The following GSDME variants were observed in gnomAD, a reference collection of about 807,000 sequenced individuals.
GSDME encodes the protein gasdermin E, also known as gasdermin-E.
A neutral mutation model predicts 47.5 loss-of-function variants in GSDME; 44 were observed. The ratio of observed to expected loss-of-function variants is 0.93; its 90% CI spans 0.73 to 1.19. The LOEUF (loss-of-function observed/expected upper bound fraction) is 1.19, where lower values mean the gene tolerates loss of function less well. Among genes scored for constraint, GSDME ranks in the 50% most tolerant of loss-of-function variants. The probability of loss-of-function intolerance (pLI) is 0.00; values close to 1 mark genes in which losing one functional copy is unlikely to be tolerated. For synonymous variants in GSDME, 258 were observed against 252.8 expected (o/e 1.02, Z -0.20); for missense variants, 663 against 604.2 (o/e 1.10, Z -1.02).
chr7:24,732,423 C>T lies in GSDME; in HGVS notation c.404+12139G>A, dbSNP rs1337977655. Among the ~76,000 whole-genome samples the T allele has an allele frequency of 6.6e-6, 1 of 152,160 alleles. No homozygotes were observed. Among genetic ancestry groups the T allele is most frequent in the Non-Finnish European group, 1.5e-5 (1 of 68,004 alleles). Reference sequence around the variant, plus strand: ...GTGATTGTTCTCCCCACAGGAACACCAAAGTCAACAACTATCTATATAAAA... The same window carrying T: ...GTGATTGTTCTCCCCACAGGAACACTAAAGTCAACAACTATCTATATAAAA... On this transcript the variant is annotated intron_variant, in intron 3 of 9. Coordinates refer to ENST00000645220, the MANE Select transcript of GSDME (RefSeq NM_001127453.2). The surrounding 1 kb of genome is among the most constrained non-coding windows in gnomAD (Gnocchi z 4.8).
intron 8 of GSDME, chr7:24,703,225 TCA>T: frequency 2.9e-6 from 1 of 339,080 alleles, no homozygotes; most frequent in Non-Finnish European, 5.8e-6. Flanking sequence ...TCTCTCAGCC[TCA>T]GTTTCCTCAT....
upstream of GSDME, among the ~76,000 whole-genome samples, chr7:24,758,960 A>T (rs1225458322): frequency 6.6e-6 from 1 of 152,148 alleles, no homozygotes; most frequent in Non-Finnish European, 1.5e-5. This position sits in a 1 kb window ranked among gnomAD's most constrained non-coding sequence, Gnocchi z 4.6. Flanking sequence ...TAAGAAATGA[A>T]TCCTTTTGTT....
rs1789886283 is a variant in GSDME at position 24,724,099 on chromosome 7, TGGCGGGGAGG to T, written c.405-4891_405-4882del. ...GTCGCCTCTTGGGTGGGGAACCAGA[TGGCGGGGAGG>T]GGCTTTTCACCTTTTCTCTTTTGAC... On this transcript the variant is annotated intron_variant, in intron 3 of 9. Coordinates refer to ENST00000645220, the MANE Select transcript of GSDME (RefSeq NM_001127453.2). The surrounding 1 kb of genome is among the most constrained non-coding windows in gnomAD (Gnocchi z 4.8). Among the ~76,000 whole-genome samples, 1 of 151,442 alleles carries T rather than the reference TGGCGGGGAGG, an allele frequency of 6.6e-6. No homozygotes were observed. The highest frequency in any genetic ancestry group is 2.4e-5 in the African/African-American group (1 of 41,152).
rs1439020975 is a variant in GSDME, at chr7:24,732,678, C to T, written c.404+11884G>A. ...TTTGCATGGAACTCAGTGCTGCCAA[C>T]ACCGGGCAGAACTCAGCCAGCGCCC... On this transcript the variant is annotated intron_variant, in intron 3 of 9. Coordinates refer to ENST00000645220, the MANE Select transcript of GSDME (RefSeq NM_001127453.2). This position sits in a 1 kb window ranked among gnomAD's most constrained non-coding sequence, Gnocchi z 4.8. Among the ~76,000 whole-genome samples the T allele has an allele frequency of 6.6e-6, 1 of 152,212 alleles. No individual in the cohort carries two copies. Among genetic ancestry groups the T allele is most frequent in the Non-Finnish European group, 1.5e-5 (1 of 68,040 alleles).
At chr7:24,763,572 A>G in the GSDME span, among the ~76,000 whole-genome samples, 2 of 152,228 alleles carry the variant, frequency 1.3e-5, no homozygotes, top group Non-Finnish European at 2.9e-5. The surrounding 1 kb of genome is among the most constrained non-coding windows in gnomAD (Gnocchi z 4.3). Flanking sequence ...TCATCATGCT[A>G]CTCAGAATAG....
intron 3 of GSDME, among the ~76,000 whole-genome samples, chr7:24,743,632 C>G (rs532512205): frequency 6.6e-6 from 1 of 152,318 alleles, no homozygotes; most frequent in Admixed American, 6.5e-5. Flanking sequence ...CTTGGCGCCC[C>G]ACCCCTTTCA....
intron 3 of GSDME, among the ~76,000 whole-genome samples, chr7:24,722,776 C>T (rs1014790699): frequency 1.3e-5 from 2 of 152,234 alleles, no homozygotes; most frequent in African/African-American, 4.8e-5. Flanking sequence ...CCAGAACCCC[C>T]ACCTCAAACA....
At chr7:24,700,099 G>T (rs1409981951) in intron 9 of GSDME, among the ~76,000 whole-genome samples, 1 of 151,456 alleles carries the variant, frequency 6.6e-6, no homozygotes, top group African/African-American at 2.4e-5. Context: ...CCAGAACTCA[G>T]CCTTATGTTA....
At chr7:24,750,599 C>T (rs372726789) in intron 1 of GSDME, among the ~76,000 whole-genome samples, 30 of 152,182 alleles carry the variant, frequency 2.0e-4, no homozygotes, top group African/African-American at 7.2e-4. Flanking sequence ...GGTGACAGTG[C>T]AAGATTTTGT....
intron 3 of GSDME, among the ~76,000 whole-genome samples, chr7:24,729,500 G>A (rs1463809005): frequency 1.3e-5 from 2 of 152,208 alleles, no homozygotes; most frequent in Non-Finnish European, 2.9e-5. Context: ...TTGACCCTAC[G>A]GCGTGGTTAG....
the GSDME span, among the ~76,000 whole-genome samples, chr7:24,784,013 C>T: frequency 2.0e-5 from 3 of 152,166 alleles, no homozygotes; most frequent in South Asian, 2.1e-4. Context: ...CACTGGCAGG[C>T]GTTCTCTGTG....
At chr7:24,790,034 A>G in the GSDME span, among the ~76,000 whole-genome samples, 1 of 152,198 alleles carries the variant, frequency 6.6e-6, no homozygotes, top group Non-Finnish European at 1.5e-5. This position sits in a 1 kb window ranked among gnomAD's most constrained non-coding sequence, Gnocchi z 4.1. Context: ...AATCAAATCC[A>G]TGCCATACTT....
rs199834410 is a variant in GSDME, at chr7:24,749,528, C to T, written c.211+36G>A. 45 of 1,491,482 alleles carry T rather than the reference C, an allele frequency of 3.0e-5. 1 individual carries two copies. The highest frequency in any genetic ancestry group is 2.2e-4 in the South Asian group (19 of 86,852). The allele number at this position is 1,491,482 out of a possible 1,614,324, so 92.4% of individuals were successfully genotyped here. ...AAAAAAAAAAAAGGATCATCCTTTCCGAGACTAATTATAGAATATACCCAA... is the reference window on the plus strand; with the variant it reads ...AAAAAAAAAAAAGGATCATCCTTTCTGAGACTAATTATAGAATATACCCAA... On this transcript the variant is annotated intron_variant, in intron 2 of 9. Coordinates refer to ENST00000645220, the MANE Select transcript of GSDME (RefSeq NM_001127453.2).
upstream of GSDME, among the ~76,000 whole-genome samples, chr7:24,760,269 G>A (rs1339326989): frequency 1.3e-5 from 2 of 152,130 alleles, no homozygotes; most frequent in Non-Finnish European, 2.9e-5. The surrounding 1 kb of genome is among the most constrained non-coding windows in gnomAD (Gnocchi z 4.2). Context: ...TCATTACCGG[G>A]ATTTATTTCG....
rs1789088171 is a variant in GSDME at position 24,706,100 on chromosome 7, CCT to C, written c.1183+82_1183+83del. On this transcript the variant is annotated intron_variant, in intron 8 of 9. Transcript: ENST00000645220. ...TGTACCATATCTTCCACAGTTACCA[CCT>C]CTGTGTCCCCAGAAGCATAGATAGT... 3.3e-6 allele frequency: 5 copies of C among 1,516,324 alleles called. No individual in the cohort carries two copies. The South Asian group carries it at 3.5e-5, about 10-fold the overall frequency. The allele number at this position is 1,516,324 out of a possible 1,614,324, so 93.9% of individuals were successfully genotyped here.
the GSDME span, among the ~76,000 whole-genome samples, chr7:24,783,881 G>A: frequency 1.8e-4 from 27 of 152,218 alleles, no homozygotes; most frequent in East Asian, 2.5e-3. Context: ...TGGGTTGGGC[G>A]TGGGGAAGAT....
At chr7:24,702,434 AG>A (rs1206380193) in intron 9 of GSDME, 16 of 362,098 alleles carry the variant, frequency 4.4e-5, no homozygotes, top group African/African-American at 3.2e-4. Flanking sequence ...ATATGGTGTC[AG>A]GCCCCTTTAT....
At chr7:24,789,066 T>C in the GSDME span, among the ~76,000 whole-genome samples, 1 of 152,216 alleles carries the variant, frequency 6.6e-6, no homozygotes, top group Non-Finnish European at 1.5e-5. Context: ...GATGTGACTT[T>C]ATGTCAGTAA....
chr7:24,745,034 TGG>T lies in GSDME; in HGVS notation c.212-282_212-281del, dbSNP rs1382247911. ...GTGTGTGTGTGTGTGTGTGTGTGTG[TGG>T]ACCACGGGCACACAGTGGACCAGTG... is the stretch of plus-strand genomic sequence containing the variant. On this transcript the variant is annotated intron_variant, in intron 2 of 9. Coordinates refer to ENST00000645220, the MANE Select transcript of GSDME (RefSeq NM_001127453.2). This position sits in a 1 kb window ranked among gnomAD's most constrained non-coding sequence, Gnocchi z 4.4. Among the ~76,000 whole-genome samples the T allele has an allele frequency of 1.3e-4, 18 of 135,738 alleles. No individual in the cohort carries two copies. The highest frequency in any genetic ancestry group is 4.0e-4 in the African/African-American group (14 of 34,590). The allele number at this position is 135,738 out of a possible 152,430, so 89.0% of individuals were successfully genotyped here.
Sources: gnomAD v4.1 joint callset for allele counts (sites outside exome capture counted in the v4.1 genomes callset) on GRCh38, gnomAD v4.1.1 for gene constraint, Gnocchi (gnomAD v3.1) non-coding constraint, MANE v1.5 for transcripts, NCBI Gene and HGNC (gene_info 2026-07-23, HGNC 2026-07-21) for gene names.